The following CNTNAP5 variants were observed in gnomAD, a reference collection of about 807,000 sequenced individuals.
The protein encoded by CNTNAP5 is contactin-associated protein-like 5.
In CNTNAP5, 72 loss-of-function variants were observed where a neutral mutation model predicts 150.2. That is an observed-to-expected ratio of 0.48 (90% CI 0.40 to 0.58). The LOEUF is 0.58. Ranked by LOEUF, CNTNAP5 falls within the 20% of genes least tolerant of loss-of-function variation. The probability of loss-of-function intolerance (pLI) is 0.00; values close to 1 mark genes in which losing one functional copy is unlikely to be tolerated. For synonymous variants in CNTNAP5, 672 were observed against 619.8 expected, an observed-to-expected ratio of 1.08 and a Z score of -1.25; for missense variants, 1,636 against 1,626.2, an observed-to-expected ratio of 1.01 and a Z score of -0.10.
At chr2:124,156,011 G>T (rs964408805) in intron 1 of CNTNAP5, among the ~76,000 whole-genome samples, 6 of 152,202 alleles carry the variant, frequency 3.9e-5, no homozygotes. Flanking sequence ...TAAAACAGAA[G>T]CCCAGTTGGC....
chr2:124,372,337 T>A (rs1690548009), intron 3 of CNTNAP5, among the ~76,000 whole-genome samples: 1 of 152,094 alleles, frequency 6.6e-6, no homozygotes, highest in Non-Finnish European at 1.5e-5. Context: ...ACCAGCTTTT[T>A]TTGTTCTCCA....
intron 13 of CNTNAP5, among the ~76,000 whole-genome samples, chr2:124,728,709 A>G (rs1204104053): frequency 6.6e-6 from 1 of 152,036 alleles, no homozygotes; most frequent in Non-Finnish European, 1.5e-5. Flanking sequence ...ATTTGTAATA[A>G]ATATGGAATG....
At chr2:124,594,275 A>AT (rs1413693641) in intron 11 of CNTNAP5, among the ~76,000 whole-genome samples, 1 of 137,528 alleles carries the variant, frequency 7.3e-6, no homozygotes, top group East Asian at 2.6e-4. Flanking sequence ...TTTAGGTCTA[A>AT]CGTTTAAATC....
intron 1 of CNTNAP5, among the ~76,000 whole-genome samples, chr2:124,048,216 C>T (rs1681593649): frequency 6.6e-6 from 1 of 152,168 alleles, no homozygotes; most frequent in South Asian, 2.1e-4. Flanking sequence ...AGCATGGTGT[C>T]ATGGGGGAAT....
At chr2:124,403,527 G>A (rs1691484826) in intron 3 of CNTNAP5, among the ~76,000 whole-genome samples, 1 of 152,174 alleles carries the variant, frequency 6.6e-6, no homozygotes, top group South Asian at 2.1e-4. Flanking sequence ...TTAAGATGCT[G>A]TTTGTAAATT....
chr2:124,503,012 T>G (rs910999297), intron 7 of CNTNAP5, among the ~76,000 whole-genome samples: 1 of 152,210 alleles, frequency 6.6e-6, no homozygotes, highest in African/African-American at 2.4e-5. Context: ...TGTATGTAAG[T>G]GCCTATCCTA....
chr2:124,890,782 T>G (rs1401377044), intron 21 of CNTNAP5, among the ~76,000 whole-genome samples: 3 of 152,114 alleles, frequency 2.0e-5, no homozygotes, highest in African/African-American at 7.2e-5. Context: ...TAAAAAGAGC[T>G]GAATCAAAGT....
intron 19 of CNTNAP5, among the ~76,000 whole-genome samples, chr2:124,856,654 G>A (rs1016271920): frequency 6.6e-6 from 1 of 152,120 alleles, no homozygotes; most frequent in African/African-American, 2.4e-5. Context: ...CCCTTGTCAT[G>A]TGTAGCTGAA....
intron 10 of CNTNAP5, among the ~76,000 whole-genome samples, chr2:124,530,700 G>A (rs1037294095): frequency 3.3e-5 from 5 of 152,120 alleles, no homozygotes; most frequent in Non-Finnish European, 7.3e-5. Flanking sequence ...GGGCAGGATG[G>A]GAGAAGGAAG....
At chr2:124,501,523 C>G (rs538387350) in intron 7 of CNTNAP5, among the ~76,000 whole-genome samples, 1 of 152,292 alleles carries the variant, frequency 6.6e-6, no homozygotes, top group South Asian at 2.1e-4. Flanking sequence ...TCTCACATGG[C>G]TTTTCTAAAT....
At chr2:124,886,888 G>A (rs1034280930) in intron 21 of CNTNAP5, among the ~76,000 whole-genome samples, 2 of 152,006 alleles carry the variant, frequency 1.3e-5, no homozygotes, top group African/African-American at 4.8e-5. Context: ...TTCATTGACT[G>A]CTGGCTGCAA....
chr2:124,190,945 C>A (rs1284077408), intron 1 of CNTNAP5, among the ~76,000 whole-genome samples: 1 of 152,122 alleles, frequency 6.6e-6, no homozygotes, highest in African/African-American at 2.4e-5. Context: ...TGGGAGGATA[C>A]CACTCCATGT....
At chr2:124,368,775 C>T (rs1690441790) in intron 3 of CNTNAP5, among the ~76,000 whole-genome samples, 1 of 151,986 alleles carries the variant, frequency 6.6e-6, no homozygotes, top group African/African-American at 2.4e-5. Flanking sequence ...ATTCCTACTG[C>T]ATATACTGTG....
At chr2:124,074,319 T>A (rs1044713706) in intron 1 of CNTNAP5, among the ~76,000 whole-genome samples, 1 of 152,110 alleles carries the variant, frequency 6.6e-6, no homozygotes, top group Non-Finnish European at 1.5e-5. Context: ...TTTGATTGTA[T>A]ATTTTTAAAT....
chr2:124,227,012 T>A (rs1686476301), intron 2 of CNTNAP5, among the ~76,000 whole-genome samples: 1 of 152,178 alleles, frequency 6.6e-6, no homozygotes, highest in South Asian at 2.1e-4. Flanking sequence ...ATCAATCATC[T>A]GTTACGGGCT....
At chr2:124,399,395 C>G (rs1691347692) in intron 3 of CNTNAP5, among the ~76,000 whole-genome samples, 1 of 152,070 alleles carries the variant, frequency 6.6e-6, no homozygotes, top group Non-Finnish European at 1.5e-5. Context: ...CTTCATATTC[C>G]TCTTTCCTGC....
intron 1 of CNTNAP5, among the ~76,000 whole-genome samples, chr2:124,070,926 C>G (rs1413008491): frequency 6.6e-6 from 1 of 151,926 alleles, no homozygotes; most frequent in Admixed American, 6.6e-5. Flanking sequence ...AGATTATTCT[C>G]AAGGATAGAC....
intron 3 of CNTNAP5, among the ~76,000 whole-genome samples, chr2:124,313,813 G>A (rs190757337): frequency 1.3e-5 from 2 of 152,226 alleles, no homozygotes; most frequent in African/African-American, 2.4e-5. Context: ...GATGGTGCGA[G>A]GGATACCAGA....
intron 4 of CNTNAP5, among the ~76,000 whole-genome samples, chr2:124,433,276 T>A: frequency 6.6e-6 from 1 of 152,218 alleles, no homozygotes; most frequent in Non-Finnish European, 1.5e-5. Flanking sequence ...AAAGTCTCTT[T>A]GTATATGGAC....
Sources: allele counts gnomAD v4.1 joint callset (sites outside exome capture counted in the v4.1 genomes callset), GRCh38; gene constraint gnomAD v4.1.1; transcripts MANE v1.5; gene names NCBI Gene and HGNC (gene_info 2026-07-23, HGNC 2026-07-21).